ZNFX1: variants seen among roughly 807,000 people sequenced by gnomAD.
ZNFX1 encodes zinc finger NFX1-type containing 1.
In ZNFX1, 78 loss-of-function variants were observed where a neutral mutation model predicts 179.8. That is an observed-to-expected ratio of 0.43 (90% CI 0.36 to 0.52). The LOEUF (loss-of-function observed/expected upper bound fraction) is 0.52. Among genes scored for constraint, ZNFX1 ranks in the 20% least tolerant of loss-of-function variants. The pLI, the probability that ZNFX1 is intolerant of heterozygous loss-of-function variation, is 0.00. For missense variants in ZNFX1, 1,927 were observed against 2,386.6 expected (o/e 0.81, Z 4.01); for synonymous variants, 848 against 868.5 (o/e 0.98, Z 0.42).
rs767956612 is a variant in ZNFX1, at chr20:49,248,605, G to A, written c.4419C>T (p.His1473=). The A allele has an allele frequency of 6.2e-7, 1 of 1,614,156 alleles. No individual in the cohort carries two copies. The highest frequency in any genetic ancestry group is 1.1e-5 in the South Asian group (1 of 91,090). ...CACCAATGCATGGTTCCTGGCACTT[G>A]TGTGAGCAGATAAGCAGGCGCTTGC... The part of the protein sequence containing the change: ...QPCKRLLICS[H]KCQEPCIGEC... Residue 1473 remains histidine, a synonymous_variant, in exon 14 of 14, where the codon CAC becomes CAT. Coordinates refer to ENST00000396105, the MANE Select transcript of ZNFX1 (RefSeq NM_021035.3). This position sits in a 1 kb window ranked among gnomAD's most constrained non-coding sequence, Gnocchi z 4.6.
At chr20:49,272,529 C>T (rs778745836) in intron 2 of ZNFX1, among the ~76,000 whole-genome samples, 19 of 152,250 alleles carry the variant, frequency 1.2e-4, no homozygotes, top group Admixed American at 2.6e-4. Flanking sequence ...TAGTATAGTA[C>T]TGGACACATT....
At chr20:49,266,489 C>T (rs1406546059) in intron 3 of ZNFX1, among the ~76,000 whole-genome samples, 1 of 152,176 alleles carries the variant, frequency 6.6e-6, no homozygotes, top group African/African-American at 2.4e-5. Flanking sequence ...TTTACAGAGA[C>T]AGTATATCCA....
Position 49,271,308 on chromosome 20 carries a change from T to A in ZNFX1, c.504A>T (p.Leu168Phe), listed in dbSNP as rs1298396596. The A allele has an allele frequency of 6.2e-7, 1 of 1,614,208 alleles. No homozygotes were observed. The highest frequency in any genetic ancestry group is 8.5e-7 in the Non-Finnish European group (1 of 1,180,032). Residue 168 changes from leucine (L) to phenylalanine (F), a missense_variant, in exon 3 of 14, where the codon TTA (leucine) becomes TTT (phenylalanine). Leu to Phe is a conservative substitution (Grantham distance 22). Transcript: ENST00000396105. ...AATGAGAAAGGAGCTCTTTCAGCCC[T>A]AAACTTGTGGCAAGTGTGATGACCA... Reference protein sequence around the residue: ...SEVVITLATSLGLKELLSHSS... With the variant: ...SEVVITLATSFGLKELLSHSS...
rs1980899989 is a variant in ZNFX1 at position 49,253,723 on chromosome 20, G to C, written c.3048C>G (p.Thr1016=). 4 of 1,614,064 alleles carry C rather than the reference G, an allele frequency of 2.5e-6. No homozygotes were observed. The highest frequency in any genetic ancestry group is 3.4e-6 in the Non-Finnish European group (4 of 1,180,042). ...GGCAAGCTTTGCTCAATGTGGCAATGGTATGGGCCTCAAGGACTTCCGCAG... is the reference window on the plus strand; with the variant it reads ...GGCAAGCTTTGCTCAATGTGGCAATCGTATGGGCCTCAAGGACTTCCGCAG... The part of the protein sequence containing the change: ...EEAAEVLEAH[T]IATLSKACQH... The change falls in exon 11 of 14, where the codon ACC becomes ACG. Residue 1016 remains threonine, a synonymous_variant. Transcript: ENST00000396105.
chr20:49,253,712 A>G lies in ZNFX1; in HGVS notation c.3059T>C (p.Leu1020Ser), dbSNP rs1296705427. Reference protein sequence around the residue: ...EVLEAHTIATLSKACQHLILI... With the variant: ...EVLEAHTIATSSKACQHLILI... ...AATGAGGTGCTGGCAAGCTTTGCTCAATGTGGCAATGGTATGGGCCTCAAG... is the reference window on the plus strand; with the variant it reads ...AATGAGGTGCTGGCAAGCTTTGCTCGATGTGGCAATGGTATGGGCCTCAAG... Residue 1020 changes from leucine (L) to serine (S), a missense_variant, in exon 11 of 14, where the codon TTG (leucine) becomes TCG (serine). Transcript: ENST00000396105. 6.2e-7 allele frequency: 1 copy of G among 1,614,230 alleles called. No individual in the cohort carries two copies. Among genetic ancestry groups the G allele is most frequent in the Admixed American group, 1.7e-5 (1 of 60,016 alleles).
At chr20:49,249,794 C>T (rs1980792930) in intron 13 of ZNFX1, 83 bp from the exon 14 acceptor site, 1 of 1,449,686 alleles carries the variant, frequency 6.9e-7, no homozygotes. Flanking sequence ...GCACTGGCCA[C>T]TTACTCTGCT....
chr20:49,263,519 TATC>T, intron 5 of ZNFX1, 36 bp from the exon 6 acceptor site: 1 of 1,553,380 alleles, frequency 6.4e-7, no homozygotes, highest in Non-Finnish European at 8.7e-7. Context: ...GATGAGGAAA[TATC>T]ATCATCCCCC....
At position 49,250,020 on chromosome 20, in the gene ZNFX1, C is replaced by T. The variant is rs141839383; in HGVS notation, c.3313-309G>A. Among the ~76,000 whole-genome samples, 1,484 of 152,208 alleles carry T rather than the reference C, an allele frequency of 9.7e-3. 41 individuals carry two copies. The highest frequency in any genetic ancestry group is 0.044 in the Admixed American group (679 of 15,274). On this transcript the variant is annotated intron_variant, in intron 13 of 13. Coordinates refer to ENST00000396105, the MANE Select transcript of ZNFX1 (RefSeq NM_021035.3). ...CTGTAATCCCAGCACTTTGAGAGGC[C>T]GAGGTGGGTGGATCACCTGAGGTCA...
rs1185218937 is a variant in ZNFX1 at position 49,270,077 on chromosome 20, G to A, written c.1735C>T (p.His579Tyr). The change falls in exon 3 of 14, where the codon CAT becomes TAT. Residue 579 changes from histidine to tyrosine, a missense_variant. By Grantham distance (83) the His-to-Tyr change is moderately conservative (BLOSUM62 2). Transcript: ENST00000396105. The surrounding 1 kb of genome is among the most constrained non-coding windows in gnomAD (Gnocchi z 4.6). ...EFLRNVEGLRHPRINVLDPGQ... is the reference protein window; with the variant it reads ...EFLRNVEGLRYPRINVLDPGQ... ...GGATCTAAGACATTAATTCTGGGATGTCTCAAACCCTCGACATTTCTTAGA... is the reference window on the plus strand; with the variant it reads ...GGATCTAAGACATTAATTCTGGGATATCTCAAACCCTCGACATTTCTTAGA... 6.2e-7 allele frequency: 1 copy of A among 1,614,134 alleles called. No individual in the cohort carries two copies. Among genetic ancestry groups the A allele is most frequent in the African/African-American group, 1.3e-5 (1 of 74,946 alleles).
Position 49,270,925 on chromosome 20 carries a change from T to C in ZNFX1, c.887A>G (p.Glu296Gly). The change falls in exon 3 of 14, where the codon GAA (glutamate) becomes GGA (glycine). Residue 296 changes from glutamate to glycine, a missense_variant. By Grantham distance (98) the Glu-to-Gly change is moderately conservative. Transcript: ENST00000396105. This position sits in a 1 kb window ranked among gnomAD's most constrained non-coding sequence, Gnocchi z 4.6. ...ATGTTCAATGATAGTCTGTACCTTT[T>C]CCAGGTTCTTCTCCGTTTCCTCTTC... ...DIEEETEKNLEKVQTIIEHLQ... is the reference protein window; with the variant it reads ...DIEEETEKNLGKVQTIIEHLQ... 2.5e-6 allele frequency: 4 copies of C among 1,614,168 alleles called. No individual in the cohort carries two copies. Among genetic ancestry groups the C allele is most frequent in the Non-Finnish European group, 3.4e-6 (4 of 1,180,036 alleles).
rs1256929154 is a variant in ZNFX1, at chr20:49,248,258, T to C, written c.4766A>G (p.Glu1589Gly). Residue 1589 changes from glutamate (E) to glycine (G), a missense_variant, in exon 14 of 14, where the codon GAA (glutamate) becomes GGA (glycine). Glu to Gly is a moderately conservative substitution (Grantham distance 98). Coordinates refer to ENST00000396105, the MANE Select transcript of ZNFX1 (RefSeq NM_021035.3). This position sits in a 1 kb window ranked among gnomAD's most constrained non-coding sequence, Gnocchi z 4.6. The part of the protein sequence containing the change: ...DEPDARFVQL[E>G]DCSHIFEVQA... ...CACCTCAAAGATGTGGCTGCAGTCT[T>C]CCAGCTGCACAAAGCGGGCATCAGG... 8.7e-6 allele frequency: 14 copies of C among 1,614,008 alleles called. No homozygotes were observed. Among genetic ancestry groups the C allele is most frequent in the Non-Finnish European group, 1.2e-5 (14 of 1,180,040 alleles).
At chr20:49,277,148 T>G (rs916692255) in intron 1 of ZNFX1, among the ~76,000 whole-genome samples, 4 of 151,878 alleles carry the variant, frequency 2.6e-5, no homozygotes, top group African/African-American at 7.3e-5. Context: ...AGAAAATCAG[T>G]GATGATCAAG....
rs139230566 is a variant in ZNFX1, at chr20:49,271,246, T to C, written c.566A>G (p.Gln189Arg). 4.3e-6 allele frequency: 7 copies of C among 1,614,066 alleles called. No homozygotes were observed. The African/African-American group carries it at 6.7e-5, about 15-fold the overall frequency. The change falls in exon 3 of 14, where the codon CAG (glutamine) becomes CGG (arginine). Residue 189 changes from glutamine (Q) to arginine (R), a missense_variant. Coordinates refer to ENST00000396105, the MANE Select transcript of ZNFX1 (RefSeq NM_021035.3). ...MKSNFLELICQVLRKACSSKM... is the reference protein window; with the variant it reads ...MKSNFLELICRVLRKACSSKM... ...GGAGCTACAAGCCTTCCGAAGAACC[T>C]GACAGATGAGCTCAAGGAAGTTAGA... is the stretch of plus-strand genomic sequence containing the variant.
At position 49,249,223 on chromosome 20, in the gene ZNFX1, G is replaced by A; in HGVS notation, c.3801C>T (p.His1267=). Residue 1267 remains histidine (H), a synonymous_variant, in exon 14 of 14, where the codon CAC becomes CAT. Coordinates refer to ENST00000396105, the MANE Select transcript of ZNFX1 (RefSeq NM_021035.3). ...GPMLRLCCQN[H]PETHTLVSKA... ...TGGATACTAAGGTGTGGGTTTCAGG[G>A]TGGTTCTGGCAGCAGAGCCGGAGCA... 2.5e-6 allele frequency: 4 copies of A among 1,614,234 alleles called. No homozygotes were observed. In the South Asian group the frequency reaches 3.3e-5, roughly 13 times the overall value.
At chr20:49,265,913 T>G (rs79568495) in intron 4 of ZNFX1, among the ~76,000 whole-genome samples, 116 of 152,300 alleles carry the variant, frequency 7.6e-4, no homozygotes, top group African/African-American at 2.7e-3. Flanking sequence ...ACGTAGAGGC[T>G]TTCAAGGAAC....
At chr20:49,262,390 G>C (rs1981135139) in intron 6 of ZNFX1, among the ~76,000 whole-genome samples, 1 of 140,670 alleles carries the variant, frequency 7.1e-6, no homozygotes, top group South Asian at 2.2e-4. Context: ...TGGGGTGAGA[G>C]AGTGAGAACT....
Position 49,250,339 on chromosome 20 carries a change from T to C in ZNFX1, c.3313-628A>G, listed in dbSNP as rs571416094. On this transcript the variant is annotated intron_variant, in intron 13 of 13. Transcript: ENST00000396105. ...ACAAGCAGTGCTGTGAGGAGGATGA[T>C]GATAATGACAGAGCAGCTAACTTAC... 3.3e-5 allele frequency among the ~76,000 whole-genome samples: 5 copies of C among 152,298 alleles called. No homozygotes were observed. The South Asian group carries it at 8.3e-4, about 25-fold the overall frequency.
At chr20:49,260,935 G>A (rs1047929735) in intron 6 of ZNFX1, among the ~76,000 whole-genome samples, 1 of 152,156 alleles carries the variant, frequency 6.6e-6, no homozygotes, top group Non-Finnish European at 1.5e-5. Flanking sequence ...ACAAAAATTA[G>A]CCAGGCATAG....
chr20:49,270,741 G>A lies in ZNFX1; in HGVS notation c.1071C>T (p.Ile357=), dbSNP rs1304879763. The A allele has an allele frequency of 6.2e-7, 1 of 1,614,044 alleles. No individual in the cohort carries two copies. The highest frequency in any genetic ancestry group is 8.5e-7 in the Non-Finnish European group (1 of 1,180,042). Residue 357 remains isoleucine, a synonymous_variant, in exon 3 of 14, where the codon ATC becomes ATT. Coordinates refer to ENST00000396105, the MANE Select transcript of ZNFX1 (RefSeq NM_021035.3). The surrounding 1 kb of genome is among the most constrained non-coding windows in gnomAD (Gnocchi z 4.6). ...LDERPFLRPN[I]ISGKYDSTAI... is the part of the protein sequence containing the mutation. ...CAGTGCTGTCGTATTTTCCAGAAAT[G>A]ATATTGGGGCGAAGGAAGGGCCTCT...
Sources: allele counts gnomAD v4.1 joint callset (sites outside exome capture counted in the v4.1 genomes callset), GRCh38; gene constraint gnomAD v4.1.1; non-coding constraint Gnocchi (gnomAD v3.1); transcripts MANE v1.5; gene names NCBI Gene and HGNC (gene_info 2026-07-23, HGNC 2026-07-21).